Variants in PALM2AKAP2 observed in about 807,000 individuals in gnomAD.
The protein encoded by PALM2AKAP2 is PALM2 and AKAP2 fusion.
In PALM2AKAP2, 37 loss-of-function variants were observed where a neutral mutation model predicts 71.5. That is an observed-to-expected ratio of 0.52 (90% CI 0.40 to 0.68). PALM2AKAP2 has a LOEUF of 0.68. Among genes scored for constraint, PALM2AKAP2 ranks in the 30% least tolerant of loss-of-function variants. The pLI, the probability that PALM2AKAP2 is intolerant of heterozygous loss-of-function variation, is 0.00. For synonymous variants in PALM2AKAP2, 468 were observed against 478.8 expected, an observed-to-expected ratio of 0.98 and a Z score of 0.29; for missense variants, 1,224 against 1,191.8, an observed-to-expected ratio of 1.03 and a Z score of -0.40.
chr9:109,709,777 G>A (rs778018232), intron 1 of PALM2AKAP2, among the ~76,000 whole-genome samples: 3 of 152,134 alleles, frequency 2.0e-5, no homozygotes, highest in Non-Finnish European at 4.4e-5. Context: ...GTGCTAAAGA[G>A]GAAAGCACAT....
chr9:109,937,759 T>G (rs2132024104), intron 6 of PALM2AKAP2, among the ~76,000 whole-genome samples: 1 of 152,334 alleles, frequency 6.6e-6, no homozygotes, highest in South Asian at 2.1e-4. Context: ...CCCCAGGTCC[T>G]TCATCCAGGA....
intron 2 of PALM2AKAP2, among the ~76,000 whole-genome samples, chr9:110,155,347 T>TA: frequency 6.6e-6 from 1 of 152,202 alleles, no homozygotes; most frequent in Non-Finnish European, 1.5e-5. Flanking sequence ...ACAAAGGGCA[T>TA]AATTGGAAAA....
intron 6 of PALM2AKAP2, among the ~76,000 whole-genome samples, chr9:109,991,117 T>C (rs1005567025): frequency 2.6e-5 from 4 of 152,142 alleles, no homozygotes; most frequent in East Asian, 3.8e-4. Context: ...GCCTCCCTGG[T>C]TGGGAAGGGA....
At chr9:110,085,185 ATTG>A (rs1181058008) in intron 1 of PALM2AKAP2, among the ~76,000 whole-genome samples, 1 of 152,342 alleles carries the variant, frequency 6.6e-6, no homozygotes, top group East Asian at 1.9e-4. Context: ...ACCCGTAGGA[ATTG>A]TTGTTTTCTG....
intron 1 of PALM2AKAP2, among the ~76,000 whole-genome samples, chr9:109,652,404 A>C (rs1827237939): frequency 6.6e-6 from 1 of 151,766 alleles, no homozygotes; most frequent in Non-Finnish European, 1.5e-5. Flanking sequence ...GCCATGTGAC[A>C]CTCCTGCTCC....
At chr9:110,050,400 A>G (rs1191787364) in intron 1 of PALM2AKAP2, among the ~76,000 whole-genome samples, 1 of 152,190 alleles carries the variant, frequency 6.6e-6, no homozygotes, top group Non-Finnish European at 1.5e-5. Flanking sequence ...CTTAATTTAA[A>G]TTTAACTAAG....
intron 1 of PALM2AKAP2, among the ~76,000 whole-genome samples, chr9:109,790,800 C>T (rs568935179): frequency 6.6e-6 from 1 of 152,304 alleles, no homozygotes; most frequent in African/African-American, 2.4e-5. Flanking sequence ...AATGTCCTTG[C>T]TCCAGTGGAA....
At chr9:110,052,942 G>A (rs1833740484) in intron 1 of PALM2AKAP2, among the ~76,000 whole-genome samples, 1 of 152,174 alleles carries the variant, frequency 6.6e-6, no homozygotes, top group African/African-American at 2.4e-5. Flanking sequence ...TCTGTCATTT[G>A]CCCCATTTTC....
intron 6 of PALM2AKAP2, among the ~76,000 whole-genome samples, chr9:109,992,525 T>C (rs557052928): frequency 1.0e-3 from 152 of 152,260 alleles, no homozygotes; most frequent in African/African-American, 3.6e-3. Flanking sequence ...CTCAAGTGAT[T>C]CTCCTATCTC....
At chr9:110,170,949 G>C (rs1587890210) in exon 4 of PALM2AKAP2, 1 of 152,554 alleles carries the variant, frequency 6.6e-6, no homozygotes, top group East Asian at 1.9e-4. Flanking sequence ...TAGGATGGCT[G>C]GAGAGTAGGA....
At chr9:109,926,016 G>A (rs922859127) in intron 5 of PALM2AKAP2, among the ~76,000 whole-genome samples, 14 of 152,134 alleles carry the variant, frequency 9.2e-5, no homozygotes, top group African/African-American at 3.1e-4. Flanking sequence ...AGGCTGCAGT[G>A]AGCTATGGTC....
intron 1 of PALM2AKAP2, among the ~76,000 whole-genome samples, chr9:109,743,232 G>A (rs1828743547): frequency 6.6e-6 from 1 of 152,164 alleles, no homozygotes; most frequent in Non-Finnish European, 1.5e-5. Context: ...TGCATCCTGG[G>A]AAGTGTAGTT....
intron 1 of PALM2AKAP2, among the ~76,000 whole-genome samples, chr9:110,063,376 G>A (rs1217316847): frequency 6.6e-6 from 1 of 151,980 alleles, no homozygotes; most frequent in Non-Finnish European, 1.5e-5. Context: ...TTGTAGATGG[G>A]TGTCTTCTCC....
intron 1 of PALM2AKAP2, among the ~76,000 whole-genome samples, chr9:109,741,621 G>T (rs570052526): frequency 1.3e-5 from 2 of 152,274 alleles, no homozygotes; most frequent in South Asian, 2.1e-4. Flanking sequence ...ACTGACATTT[G>T]GTTATGTCTG....
intron 1 of PALM2AKAP2, among the ~76,000 whole-genome samples, chr9:109,730,347 A>G (rs1248205365): frequency 6.6e-6 from 1 of 152,248 alleles, no homozygotes; most frequent in Non-Finnish European, 1.5e-5. Flanking sequence ...GACTTTCGCC[A>G]AAACATAAGC....
intron 6 of PALM2AKAP2, among the ~76,000 whole-genome samples, chr9:110,005,660 G>A (rs1410967964): frequency 2.0e-5 from 3 of 152,212 alleles, no homozygotes; most frequent in African/African-American, 7.2e-5. Flanking sequence ...TCCTTGAGGT[G>A]CGGTGGGCTC....
intron 2 of PALM2AKAP2, among the ~76,000 whole-genome samples, chr9:109,876,109 T>C (rs920653204): frequency 2.0e-5 from 3 of 152,204 alleles, no homozygotes; most frequent in African/African-American, 7.2e-5. Flanking sequence ...TGTATGTTAT[T>C]TAGACAATAA....
Position 109,932,243 on chromosome 9 carries a change from AC to A in PALM2AKAP2, c.496+216del, listed in dbSNP as rs1831121380. ...TGGGAAGGAGTTCTGAGGAAATCAT[AC>A]GGCATTTCACCTCCGACTTCGGGGG... On this transcript the variant is annotated intron_variant, in intron 6 of 9. Coordinates refer to the PALM2AKAP2 transcript ENST00000302798. 3.3e-5 allele frequency among the ~76,000 whole-genome samples: 5 copies of A among 152,326 alleles called. No individual in the cohort carries two copies. In the South Asian group the frequency reaches 1.0e-3, roughly 32 times the overall value.
chr9:109,978,657 G>A (rs1282245763), intron 6 of PALM2AKAP2, among the ~76,000 whole-genome samples: 1 of 152,194 alleles, frequency 6.6e-6, no homozygotes, highest in Non-Finnish European at 1.5e-5. Flanking sequence ...TGAGAATGAA[G>A]AGTCCCCTCA....
Sources: gnomAD v4.1 joint callset for allele counts (sites outside exome capture counted in the v4.1 genomes callset) on GRCh38, gnomAD v4.1.1 for gene constraint, MANE v1.5 for transcripts, NCBI Gene and HGNC (gene_info 2026-07-23, HGNC 2026-07-21) for gene names.